TMIGD2: variants seen among roughly 807,000 people sequenced by gnomAD.
The protein encoded by TMIGD2 is transmembrane and immunoglobulin domain-containing protein 2.
Under a neutral mutation model 22.6 loss-of-function variants are expected in TMIGD2, and 18 were observed. The observed-to-expected ratio is 0.80, with a 90% CI of 0.55 to 1.18. TMIGD2 has a LOEUF of 1.18. Ranked by LOEUF, TMIGD2 falls within the 50% of genes most tolerant of loss-of-function variation. TMIGD2 has a pLI of 0.00. For synonymous variants in TMIGD2, 184 were observed against 154.1 expected (o/e 1.19, Z -1.44); for missense variants, 361 against 378.2 (o/e 0.95, Z 0.38).
rs79810291 is a variant in TMIGD2 at position 4,294,841 on chromosome 19, G to A, written c.407-25C>T. On this transcript the variant is annotated intron_variant, in intron 2 of 4. Coordinates refer to ENST00000301272, the Ensembl canonical transcript of TMIGD2. ...TCTGCAGAGAAGAAATCTATGTCAC[G>A]GGGGTGCCAGGCTTCTCCACCCTCC... 497 of 1,524,966 alleles carry A rather than the reference G, an allele frequency of 3.3e-4. 2 individuals carry two copies. In the African/African-American group the frequency reaches 6.1e-3, roughly 19 times the overall value. 94.5% of individuals were successfully genotyped at this position (1,524,966 alleles called of 1,614,324 possible).
In TMIGD2 at chr19:4,296,930, T is replaced by C. The variant is rs1971468885; in HGVS notation, c.406+1056A>G. The stretch of plus-strand genomic sequence containing the variant: ...GGGACATGGCAAAGGGGACAGTGCA[T>C]AGGGTGCACCCCTGCCTGGTGCATA... On this transcript the variant is annotated intron_variant, in intron 2 of 4. Transcript: ENST00000301272. Among the ~76,000 whole-genome samples, 3 of 152,278 alleles carry C rather than the reference T, an allele frequency of 2.0e-5. No homozygotes were observed. In the South Asian group the frequency reaches 6.2e-4, roughly 32 times the overall value.
At position 4,297,978 on chromosome 19, in the gene TMIGD2, T is replaced by TC; in HGVS notation, c.406+7dup. 1 of 1,560,402 alleles carries TC rather than the reference T, an allele frequency of 6.4e-7. No individual in the cohort carries two copies. Among genetic ancestry groups the TC allele is most frequent in the Non-Finnish European group, 8.7e-7 (1 of 1,149,286 alleles). On this transcript the variant is annotated splice_region_variant and intron_variant, in intron 2 of 4. Transcript: ENST00000301272. Reference sequence around the variant, plus strand: ...ACTGCCCCTCCCTCTCCCCGCTGGCTCCCGTACCTGGGTCCACAAAGAGCC... The same window carrying TC: ...ACTGCCCCTCCCTCTCCCCGCTGGCTCCCCGTACCTGGGTCCACAAAGAGCC...
intron 2 of TMIGD2, among the ~76,000 whole-genome samples, chr19:4,297,777 C>G (rs2144737656): frequency 6.6e-6 from 1 of 151,704 alleles, no homozygotes; most frequent in Admixed American, 6.6e-5. Flanking sequence ...ATCGCTTGAA[C>G]CTAGGAGGCG....
At chr19:4,302,299 C>T in intron 1 of TMIGD2, 41 bp downstream of exon 1, 1 of 1,546,028 alleles carries the variant, frequency 6.5e-7, no homozygotes, top group Non-Finnish European at 8.7e-7. Flanking sequence ...GGGATGACAG[C>T]AAGAGTGGGG....
At chr19:4,301,462 T>C (rs377640851) in intron 1 of TMIGD2, among the ~76,000 whole-genome samples, 1 of 151,706 alleles carries the variant, frequency 6.6e-6, no homozygotes, top group African/African-American at 2.4e-5. Context: ...AGGTCAGGAG[T>C]TCGAGACCCA....
At chr19:4,294,538 C>T in intron 4 of TMIGD2, 41 bp downstream of exon 4, 1 of 1,596,030 alleles carries the variant, frequency 6.3e-7, no homozygotes, top group East Asian at 2.2e-5. Flanking sequence ...AGCTGCAGTT[C>T]CCACCTCCTC....
chr19:4,298,134 C>A, exon 2 of TMIGD2: 1 of 1,613,432 alleles, frequency 6.2e-7, no homozygotes, highest in Admixed American at 1.7e-5. Flanking sequence ...GCCAGGAGAG[C>A]CGTCCCTGGG....
At chr19:4,301,638 C>G (rs1405156294) in intron 1 of TMIGD2, among the ~76,000 whole-genome samples, 1 of 152,212 alleles carries the variant, frequency 6.6e-6, no homozygotes, top group Non-Finnish European at 1.5e-5. Flanking sequence ...TCACTGCACT[C>G]TAGCCTGGGT....
chr19:4,292,916 A>G (rs1345002411), intron 4 of TMIGD2, 31 bp from the exon 5 acceptor site: 3 of 1,611,094 alleles, frequency 1.9e-6, no homozygotes, highest in Admixed American at 1.7e-5. Flanking sequence ...CAAGAGGATC[A>G]CTTAAGAGAG....
chr19:4,301,742 G>T lies in TMIGD2; in HGVS notation c.46+598C>A, dbSNP rs531457414. On this transcript the variant is annotated intron_variant, in intron 1 of 4. Transcript: ENST00000301272. The stretch of plus-strand genomic sequence containing the variant: ...AAAGTGCAAGCGGCTGGAATCAGAG[G>T]AGAGGGAAAGAGGAATGGAGGTTTT... Among the ~76,000 whole-genome samples the T allele has an allele frequency of 2.0e-5, 3 of 152,310 alleles. No individual in the cohort carries two copies. In the East Asian group the frequency reaches 5.8e-4, roughly 29 times the overall value.
intron 1 of TMIGD2, among the ~76,000 whole-genome samples, chr19:4,300,841 G>C (rs1464520373): frequency 6.6e-6 from 1 of 152,238 alleles, no homozygotes; most frequent in Admixed American, 6.5e-5. Context: ...GAGGGAGGAA[G>C]GGTTGGGCAG....
At chr19:4,298,370 G>A (rs773738190) in intron 1 of TMIGD2, 25 bp from the exon 2 acceptor site, 42 of 1,528,846 alleles carry the variant, frequency 2.7e-5, no homozygotes, top group East Asian at 4.5e-5. Flanking sequence ...AGGTAGAGGC[G>A]ACCTTTCTGA....
intron 2 of TMIGD2, among the ~76,000 whole-genome samples, chr19:4,296,134 G>T (rs1971459275): frequency 1.3e-5 from 2 of 152,142 alleles, no homozygotes; most frequent in Admixed American, 6.6e-5. Flanking sequence ...GGCCAAGCTG[G>T]TCTCGACCTC....
At chr19:4,292,976 T>C in intron 4 of TMIGD2, 91 bp from the exon 5 acceptor site, 3 of 1,534,406 alleles carry the variant, frequency 2.0e-6, no homozygotes, top group Non-Finnish European at 2.6e-6. Context: ...TTTTTTTTTT[T>C]TCTGTGAGAC....
At chr19:4,296,059 T>A (rs1276050890) in intron 2 of TMIGD2, among the ~76,000 whole-genome samples, 1 of 152,042 alleles carries the variant, frequency 6.6e-6, no homozygotes, top group Non-Finnish European at 1.5e-5. Context: ...GCTGGGACTA[T>A]GGGTATATGC....
At position 4,292,388 on chromosome 19, in the gene TMIGD2, C is replaced by T. The variant is rs1971392133; in HGVS notation, c.*211G>A. The T allele has an allele frequency of 8.4e-6, 5 of 596,654 alleles. No individual in the cohort carries two copies. The South Asian group carries it at 9.5e-5, about 11-fold the overall frequency. 37.0% of individuals were successfully genotyped at this position (596,654 alleles called of 1,614,324 possible). The stretch of plus-strand genomic sequence containing the variant: ...ACGGAGTCTCACTCTGTCGCCCAGG[C>T]TGGAGTGCAGTGGCGCAATCTCGGC... On this transcript the variant is annotated 3_prime_UTR_variant, in exon 5 of 5. Coordinates refer to ENST00000301272, the Ensembl canonical transcript of TMIGD2.
At chr19:4,292,640 G>T (rs769697450) in exon 5 of TMIGD2, 1 of 1,612,476 alleles carries the variant, frequency 6.2e-7, no homozygotes, top group East Asian at 2.2e-5. Flanking sequence ...GGCCTCGGCT[G>T]CTGGGTGGGG....
At chr19:4,293,117 C>T (rs1568371754) in intron 4 of TMIGD2, among the ~76,000 whole-genome samples, 1 of 152,104 alleles carries the variant, frequency 6.6e-6, no homozygotes, top group Admixed American at 6.6e-5. Flanking sequence ...GCTCCCGCCA[C>T]CATGCCTGGC....
Position 4,298,677 on chromosome 19 carries a change from G to A in TMIGD2, c.47-332C>T, listed in dbSNP as rs549971155. 9.9e-5 allele frequency among the ~76,000 whole-genome samples: 15 copies of A among 152,150 alleles called. No individual in the cohort carries two copies. The South Asian group carries it at 2.7e-3, about 27-fold the overall frequency. The stretch of plus-strand genomic sequence containing the variant: ...CTTGAGCCCAGGCGTTCGAGGCTGC[G>A]GTGAGCTATGATTGCACCACTGCAC... On this transcript the variant is annotated intron_variant, in intron 1 of 4. Transcript: ENST00000301272.
Sources: gnomAD v4.1 joint callset for allele counts (sites outside exome capture counted in the v4.1 genomes callset) on GRCh38, gnomAD v4.1.1 for gene constraint, MANE v1.5 for transcripts, NCBI Gene and HGNC (gene_info 2026-07-23, HGNC 2026-07-21) for gene names.